RALYL: variants seen among roughly 807,000 people sequenced by gnomAD.
The protein encoded by RALYL is RNA-binding Raly-like protein.
RALYL carries 29 observed loss-of-function variants against 35.1 expected under a neutral mutation model. The observed-to-expected ratio is 0.83, with a 90% CI of 0.61 to 1.13. The LOEUF (loss-of-function observed/expected upper bound fraction) is 1.13. RALYL is among the 50% of genes most tolerant of loss of function. The probability of loss-of-function intolerance (pLI) is 0.00; values close to 1 mark genes in which losing one functional copy is unlikely to be tolerated. For missense variants in RALYL, 359 were observed against 360.4 expected (o/e 1.00, Z 0.03); for synonymous variants, 120 against 127.6 (o/e 0.94, Z 0.40).
intron 2 of RALYL, among the ~76,000 whole-genome samples, chr8:84,715,866 GT>G: frequency 6.6e-6 from 1 of 152,156 alleles, no homozygotes; most frequent in East Asian, 1.9e-4. Flanking sequence ...TTATATGTGT[GT>G]AAATATTGAC....
chr8:84,193,360 T>C (rs1332763073), intron 1 of RALYL, among the ~76,000 whole-genome samples: 1 of 152,168 alleles, frequency 6.6e-6, no homozygotes, highest in Non-Finnish European at 1.5e-5. Context: ...TTCAGAATGT[T>C]CTAAGAAGGT....
chr8:84,357,334 T>C (rs1852032580), intron 1 of RALYL, among the ~76,000 whole-genome samples: 2 of 152,168 alleles, frequency 1.3e-5, no homozygotes, highest in Admixed American at 6.6e-5. Context: ...TTCCTTGATT[T>C]TGAGTGGCAT....
intron 4 of RALYL, among the ~76,000 whole-genome samples, chr8:84,840,872 T>G (rs909731725): frequency 2.0e-5 from 3 of 152,072 alleles, no homozygotes; most frequent in Non-Finnish European, 2.9e-5. Context: ...AAACTAAGCT[T>G]CATAAGTGAA....
At chr8:84,349,151 A>G (rs1270101480) in intron 1 of RALYL, among the ~76,000 whole-genome samples, 1 of 150,138 alleles carries the variant, frequency 6.7e-6, no homozygotes, top group Non-Finnish European at 1.5e-5. Flanking sequence ...AAGTTTTATC[A>G]TATGTCCAGA....
chr8:84,682,685 T>G (rs943316182), intron 2 of RALYL, among the ~76,000 whole-genome samples: 2 of 152,124 alleles, frequency 1.3e-5, no homozygotes, highest in African/African-American at 4.8e-5. Flanking sequence ...TCAGTGGTGA[T>G]ATCCCCTTTA....
In RALYL at chr8:84,850,042, C is replaced by T. The variant is rs1586755061; in HGVS notation, c.413+15C>T. On this transcript the variant is annotated intron_variant, in intron 5 of 8. Transcript: ENST00000521268. ...TTCTACAATCGGTATGTGAATTTTT[C>T]ATCCTTGTTTTCCTATGACTTAAAT... is the stretch of plus-strand genomic sequence containing the variant. The T allele has an allele frequency of 2.1e-6, 3 of 1,419,396 alleles. No homozygotes were observed. Among genetic ancestry groups the T allele is most frequent in the Non-Finnish European group, 2.8e-6 (3 of 1,059,586 alleles). The allele number at this position is 1,419,396 out of a possible 1,614,324, so 87.9% of individuals were successfully genotyped here.
chr8:84,452,147 G>A (rs553255033), intron 1 of RALYL, among the ~76,000 whole-genome samples: 10 of 151,662 alleles, frequency 6.6e-5, no homozygotes, highest in Non-Finnish European at 8.8e-5. Flanking sequence ...TTTCTTACCC[G>A]TAAGGCAGTC....
chr8:84,791,387 T>C (rs1388487849), intron 3 of RALYL, among the ~76,000 whole-genome samples: 1 of 151,934 alleles, frequency 6.6e-6, no homozygotes, highest in East Asian at 1.9e-4. Flanking sequence ...AAGGAGGAAA[T>C]GAGAGGAATA....
intron 6 of RALYL, among the ~76,000 whole-genome samples, chr8:84,863,178 G>A (rs1488747794): frequency 6.6e-6 from 1 of 152,110 alleles, no homozygotes; most frequent in Non-Finnish European, 1.5e-5. Context: ...TGACCTATAG[G>A]TAAAAGAATA....
chr8:84,735,325 ACTC>A (rs973102580), intron 2 of RALYL, among the ~76,000 whole-genome samples: 22 of 151,992 alleles, frequency 1.4e-4, no homozygotes, highest in African/African-American at 4.8e-4. Context: ...AAAAGGAAAA[ACTC>A]CTATCCAACT....
At chr8:84,376,156 A>G (rs1856868662) in intron 1 of RALYL, among the ~76,000 whole-genome samples, 2 of 151,896 alleles carry the variant, frequency 1.3e-5, no homozygotes, top group South Asian at 2.1e-4. Flanking sequence ...GTTGTCATGA[A>G]TAGAAAATTG....
chr8:84,835,223 A>G (rs1230965880), intron 4 of RALYL, among the ~76,000 whole-genome samples: 1 of 152,194 alleles, frequency 6.6e-6, no homozygotes, highest in Admixed American at 6.5e-5. Context: ...CAAATTAGCT[A>G]AGTGACAAGA....
chr8:84,569,050 A>C (rs1300089550), intron 2 of RALYL, among the ~76,000 whole-genome samples: 3 of 149,614 alleles, frequency 2.0e-5, no homozygotes, highest in African/African-American at 4.9e-5. Context: ...TCTTTAGTTT[A>C]ATTAGATCCC....
At chr8:84,878,253 C>T (rs1841536761) in intron 7 of RALYL, among the ~76,000 whole-genome samples, 1 of 152,116 alleles carries the variant, frequency 6.6e-6, no homozygotes, top group Non-Finnish European at 1.5e-5. Flanking sequence ...CACTTAAAAG[C>T]AGAGAGGGAG....
intron 4 of RALYL, among the ~76,000 whole-genome samples, chr8:84,842,240 AAGAG>A (rs1248464615): frequency 2.0e-5 from 3 of 152,198 alleles, no homozygotes; most frequent in African/African-American, 7.2e-5. Context: ...TAAAGAAGAA[AAGAG>A]AGAAGAATCA....
At chr8:84,917,109 T>G (rs958079799) in intron 8 of RALYL, among the ~76,000 whole-genome samples, 2 of 152,166 alleles carry the variant, frequency 1.3e-5, no homozygotes, top group Non-Finnish European at 2.9e-5. Context: ...TCCTAGCCTT[T>G]TTATCTTTCC....
intron 2 of RALYL, among the ~76,000 whole-genome samples, chr8:84,623,446 C>CA (rs1241837467): frequency 2.0e-5 from 3 of 151,036 alleles, no homozygotes; most frequent in East Asian, 1.9e-4. Flanking sequence ...AGTAGTGGTC[C>CA]AAAAAATATT....
At chr8:84,920,749 CA>C (rs1849199454) in intron 8 of RALYL, 144 bp from the exon 9 acceptor site, 1 of 398,576 alleles carries the variant, frequency 2.5e-6, no homozygotes, top group South Asian at 1.1e-4. Flanking sequence ...AACCTACCAT[CA>C]AAATTATTTG....
chr8:84,689,527 G>A (rs559350210), intron 2 of RALYL, among the ~76,000 whole-genome samples: 12 of 152,022 alleles, frequency 7.9e-5, no homozygotes, highest in East Asian at 1.9e-4. Context: ...GAATAGTGCC[G>A]CAATAAACAT....
Sources: gnomAD v4.1 joint callset for allele counts (sites outside exome capture counted in the v4.1 genomes callset) on GRCh38, gnomAD v4.1.1 for gene constraint, MANE v1.5 for transcripts, NCBI Gene and HGNC (gene_info 2026-07-23, HGNC 2026-07-21) for gene names.